MYT1L: variants seen among roughly 807,000 people sequenced by gnomAD.
The protein encoded by MYT1L is myelin transcription factor 1-like protein.
In MYT1L, 12 loss-of-function variants were observed where a neutral mutation model predicts 126.7. The observed-to-expected ratio is 0.09, with a 90% CI of 0.06 to 0.15. The LOEUF (loss-of-function observed/expected upper bound fraction) is 0.15. MYT1L is among the 10% of genes least tolerant of loss of function. MYT1L has a pLI of 1.00. For synonymous variants in MYT1L, 541 were observed against 604.2 expected, an observed-to-expected ratio of 0.90 and a Z score of 1.53; for missense variants, 979 against 1,585.2, an observed-to-expected ratio of 0.62 and a Z score of 6.49.
chr2:1,905,633 C>T (rs904362283), intron 13 of MYT1L, among the ~76,000 whole-genome samples: 5 of 152,122 alleles, frequency 3.3e-5, no homozygotes, highest in Admixed American at 2.0e-4. Context: ...GGATTACAGG[C>T]GCCAGCAACC....
In MYT1L at chr2:1,822,585, T is replaced by C. The variant is rs7603136; in HGVS notation, c.3081-13418A>G. 2.9e-3 allele frequency among the ~76,000 whole-genome samples: 446 copies of C among 152,308 alleles called. 4 individuals carry two copies. Among genetic ancestry groups the C allele is most frequent in the African/African-American group, 1.0e-2 (415 of 41,584 alleles). On this transcript the variant is annotated intron_variant, in intron 21 of 24. Transcript: ENST00000647738. ...GGATCTGAGGGTGGAGGCAGAAGTG[T>C]GGCCTACAGCCTGTGTCCTTCGAGA...
chr2:2,074,622 C>T (rs2075009284), intron 3 of MYT1L, among the ~76,000 whole-genome samples: 1 of 152,190 alleles, frequency 6.6e-6, no homozygotes, highest in Non-Finnish European at 1.5e-5. Context: ...AATACGGTGT[C>T]AATACAGTAA....
chr2:1,918,430 GGGA>G (rs1480466892), intron 10 of MYT1L, among the ~76,000 whole-genome samples: 1 of 152,126 alleles, frequency 6.6e-6, no homozygotes, highest in Admixed American at 6.5e-5. Context: ...ATTTTCTTTA[GGGA>G]TTAGTTCTTT....
At chr2:1,865,218 G>A (rs1437605883) in intron 18 of MYT1L, among the ~76,000 whole-genome samples, 1 of 152,210 alleles carries the variant, frequency 6.6e-6, no homozygotes, top group Admixed American at 6.5e-5. Context: ...TGCAGACAAA[G>A]GTGGGACCTG....
chr2:1,900,460 T>C (rs1461596351), intron 14 of MYT1L, among the ~76,000 whole-genome samples: 1 of 152,094 alleles, frequency 6.6e-6, no homozygotes, highest in Non-Finnish European at 1.5e-5. Context: ...CCACCACGCC[T>C]GGCTAATTTT....
At chr2:1,994,186 C>T (rs1020537765) in intron 5 of MYT1L, among the ~76,000 whole-genome samples, 25 of 152,198 alleles carry the variant, frequency 1.6e-4, no homozygotes, top group African/African-American at 5.5e-4. Context: ...CTCACTAAGC[C>T]TTGCATTTTG....
intron 1 of MYT1L, among the ~76,000 whole-genome samples, chr2:2,316,813 T>C (rs986133655): frequency 3.3e-5 from 5 of 152,126 alleles, no homozygotes; most frequent in African/African-American, 1.2e-4. Context: ...TCCTTTTATT[T>C]ATTTATTTTT....
chr2:2,015,923 C>T (rs1007653266), intron 4 of MYT1L, among the ~76,000 whole-genome samples: 10 of 152,152 alleles, frequency 6.6e-5, no homozygotes, highest in African/African-American at 1.9e-4. Context: ...GTGGGACTCC[C>T]AGGTCAGGAG....
chr2:2,000,875 T>C (rs1207466754), intron 4 of MYT1L, among the ~76,000 whole-genome samples: 1 of 152,196 alleles, frequency 6.6e-6, no homozygotes, highest in Non-Finnish European at 1.5e-5. Flanking sequence ...GCATGCGTGG[T>C]GTTCAGGTTT....
chr2:2,191,950 T>C (rs1412529893), intron 2 of MYT1L, among the ~76,000 whole-genome samples: 1 of 152,252 alleles, frequency 6.6e-6, no homozygotes, highest in East Asian at 1.9e-4. Flanking sequence ...GACCCTACGT[T>C]ATCCATACAG....
At chr2:1,830,130 A>G (rs1447195366) in intron 21 of MYT1L, among the ~76,000 whole-genome samples, 1 of 152,096 alleles carries the variant, frequency 6.6e-6, no homozygotes, top group South Asian at 2.1e-4. Flanking sequence ...GTCTGCAGAG[A>G]GGAGGCTGGG....
At chr2:1,804,831 C>T (rs1244171383) in intron 22 of MYT1L, among the ~76,000 whole-genome samples, 1 of 152,196 alleles carries the variant, frequency 6.6e-6, no homozygotes, top group Non-Finnish European at 1.5e-5. Flanking sequence ...CCTGACAAAG[C>T]GCTTCATGTT....
At chr2:2,161,212 C>CAAACA (rs535774884) in intron 3 of MYT1L, among the ~76,000 whole-genome samples, 13 of 152,074 alleles carry the variant, frequency 8.5e-5, no homozygotes, top group African/African-American at 2.9e-4. Flanking sequence ...GACTCCATCT[C>CAAACA]AAACAAAACA....
chr2:2,171,140 C>T (rs906050231), intron 3 of MYT1L, among the ~76,000 whole-genome samples: 1 of 152,136 alleles, frequency 6.6e-6, no homozygotes, highest in Non-Finnish European at 1.5e-5. Flanking sequence ...ATTTCAGCTG[C>T]TAGAACCTCG....
At chr2:2,120,848 A>C (rs995031250) in intron 3 of MYT1L, among the ~76,000 whole-genome samples, 1 of 150,756 alleles carries the variant, frequency 6.6e-6, no homozygotes, top group Non-Finnish European at 1.5e-5. Context: ...GCTCATAGCG[A>C]CCACCGAAGA....
chr2:2,330,043 G>A (rs971340312), intron 1 of MYT1L, among the ~76,000 whole-genome samples: 1 of 151,534 alleles, frequency 6.6e-6, no homozygotes, highest in Admixed American at 6.6e-5. Flanking sequence ...TATCTGTATG[G>A]GAGACATGAC....
At chr2:1,919,819 C>T (rs1484027395) in intron 10 of MYT1L, among the ~76,000 whole-genome samples, 1 of 152,202 alleles carries the variant, frequency 6.6e-6, no homozygotes, top group African/African-American at 2.4e-5. Flanking sequence ...AGCTCCGCCT[C>T]CCAGGTTCAC....
intron 22 of MYT1L, among the ~76,000 whole-genome samples, chr2:1,808,154 C>A (rs186573650): frequency 5.3e-5 from 8 of 152,196 alleles, no homozygotes; most frequent in Non-Finnish European, 1.2e-4. Flanking sequence ...TACCCAGTCT[C>A]GGGTATTTCT....
chr2:2,266,861 G>T (rs572377246), intron 2 of MYT1L, among the ~76,000 whole-genome samples: 1 of 152,162 alleles, frequency 6.6e-6, no homozygotes, highest in Non-Finnish European at 1.5e-5. Context: ...ATGTGACTTT[G>T]CTTCTCCCTT....
Sources: gnomAD v4.1 joint callset for allele counts (sites outside exome capture counted in the v4.1 genomes callset) on GRCh38, gnomAD v4.1.1 for gene constraint, MANE v1.5 for transcripts, NCBI Gene and HGNC (gene_info 2026-07-23, HGNC 2026-07-21) for gene names.